Variants in L3MBTL4 observed in about 807,000 individuals in gnomAD.
L3MBTL4 encodes lethal(3)malignant brain tumor-like protein 4.
L3MBTL4 carries 70 observed loss-of-function variants against 84.5 expected under a neutral mutation model. The ratio of observed to expected loss-of-function variants is 0.83; its 90% CI spans 0.68 to 1.01. L3MBTL4 has a LOEUF of 1.01. Ranked by LOEUF, L3MBTL4 falls within the 50% of genes least tolerant of loss-of-function variation. The pLI is 0.00. For synonymous variants in L3MBTL4, 274 were observed against 259.8 expected (o/e 1.05, Z -0.52); for missense variants, 715 against 754.8 (o/e 0.95, Z 0.62).
intron 4 of L3MBTL4, among the ~76,000 whole-genome samples, chr18:6,264,857 A>G (rs2048560677): frequency 1.3e-5 from 2 of 152,276 alleles, no homozygotes; most frequent in South Asian, 2.1e-4. Context: ...CAATCGCAGT[A>G]GACACGCCCA....
intron 14 of L3MBTL4, among the ~76,000 whole-genome samples, chr18:6,094,508 T>C (rs1196747608): frequency 6.6e-6 from 1 of 152,170 alleles, no homozygotes; most frequent in East Asian, 1.9e-4. Context: ...ATTGCCATCA[T>C]AGTGTTATCA....
At chr18:6,046,718 T>C (rs7234770) in intron 16 of L3MBTL4, 358,325 of 769,344 alleles carry the variant, frequency 0.47, 87,763 homozygotes, top group African/African-American at 0.66. Flanking sequence ...AAAACAGAGA[T>C]ACAACTTACC....
At chr18:6,412,952 C>A (rs765082154) in intron 1 of L3MBTL4, among the ~76,000 whole-genome samples, 17 of 151,964 alleles carry the variant, frequency 1.1e-4, no homozygotes, top group Non-Finnish European at 1.9e-4. Context: ...ATTAGCCAGG[C>A]ATGGTGGTGC....
chr18:6,064,864 T>C (rs1460467484), intron 16 of L3MBTL4, among the ~76,000 whole-genome samples: 4 of 152,112 alleles, frequency 2.6e-5, no homozygotes, highest in South Asian at 2.1e-4. Context: ...TTGATTGCTC[T>C]GGTTAGGACT....
chr18:6,016,028 C>T (rs545706238), intron 16 of L3MBTL4, among the ~76,000 whole-genome samples: 10 of 152,266 alleles, frequency 6.6e-5, no homozygotes, highest in South Asian at 6.2e-4. Context: ...GTGACCACTG[C>T]GGAAGATGAA....
intron 1 of L3MBTL4, among the ~76,000 whole-genome samples, chr18:6,358,046 T>C (rs2053523456): frequency 6.6e-6 from 1 of 152,224 alleles, no homozygotes; most frequent in Non-Finnish European, 1.5e-5. Flanking sequence ...ATCCGCAGCC[T>C]GGCCTACCCT....
At chr18:6,215,697 A>G in intron 11 of L3MBTL4, 53 bp downstream of exon 11, 1 of 959,096 alleles carries the variant, frequency 1.0e-6, no homozygotes. Flanking sequence ...TGTAGGCATG[A>G]CTCAATACAA....
chr18:6,173,075 T>C (rs1483914184), intron 12 of L3MBTL4, among the ~76,000 whole-genome samples: 3 of 152,160 alleles, frequency 2.0e-5, no homozygotes, highest in Non-Finnish European at 4.4e-5. Flanking sequence ...ACTCTAAAGG[T>C]AGAGCCTAAC....
At position 6,196,349 on chromosome 18, in the gene L3MBTL4, C is replaced by G. The variant is rs561851385; in HGVS notation, c.981+16800G>C. 3.4e-4 allele frequency among the ~76,000 whole-genome samples: 51 copies of G among 152,026 alleles called. 1 individual carries two copies. In the South Asian group the frequency reaches 4.6e-3, roughly 14 times the overall value. On this transcript the variant is annotated intron_variant, in intron 12 of 18. Transcript: ENST00000317931. ...ATTTTTTGTATTTTTAGTAAAGACG[C>G]GGTTTCACCGTGTTGGCCAGGATGG...
At chr18:5,983,559 A>T (rs1289876044) in intron 16 of L3MBTL4, among the ~76,000 whole-genome samples, 1 of 152,174 alleles carries the variant, frequency 6.6e-6, no homozygotes, top group Non-Finnish European at 1.5e-5. Flanking sequence ...GCGTTTGAAG[A>T]AGACTGACTC....
intron 16 of L3MBTL4, among the ~76,000 whole-genome samples, chr18:5,976,413 C>A (rs554679725): frequency 6.6e-6 from 1 of 152,270 alleles, no homozygotes; most frequent in East Asian, 1.9e-4. Flanking sequence ...TGGTGTGTGT[C>A]CAGAAGAGTG....
rs1296580945 is a variant in L3MBTL4 at position 5,955,120 on chromosome 18, G to A, written c.*1100C>T. On this transcript the variant is annotated 3_prime_UTR_variant, in exon 19 of 19. Coordinates refer to ENST00000317931, the MANE Select transcript of L3MBTL4 (RefSeq NM_001330559.2). The stretch of plus-strand genomic sequence containing the variant: ...ACTACCTGTAAAAGTAGTAAGAAGT[G>A]TCAGAAAAGAGGTACTTGTCTTTCA... The A allele has an allele frequency of 1.3e-5, 2 of 152,208 alleles. No individual in the cohort carries two copies. Among genetic ancestry groups the A allele is most frequent in the East Asian group, 3.9e-4 (2 of 5,190 alleles). The allele number at this position is 152,208 out of a possible 1,614,324, so 9.4% of individuals were successfully genotyped here.
Position 6,161,211 on chromosome 18 carries a change from G to A in L3MBTL4, c.1096+10617C>T, listed in dbSNP as rs185470167. Among the ~76,000 whole-genome samples the A allele has an allele frequency of 1.6e-3, 250 of 152,300 alleles. 1 individual carries two copies. Among genetic ancestry groups the A allele is most frequent in the Middle Eastern group, 0.01 (3 of 294 alleles). ...ATGTCAAATAAAGCAGACAAATCGC[G>A]TCCTCATGGATGAGAAAAGGAGAGC... On this transcript the variant is annotated intron_variant, in intron 13 of 18. Coordinates refer to ENST00000317931, the MANE Select transcript of L3MBTL4 (RefSeq NM_001330559.2).
At chr18:6,208,863 T>A (rs2045980825) in intron 12 of L3MBTL4, among the ~76,000 whole-genome samples, 1 of 152,190 alleles carries the variant, frequency 6.6e-6, no homozygotes, top group Non-Finnish European at 1.5e-5. Flanking sequence ...AACCCTGCCA[T>A]GGCATGAAAA....
chr18:6,145,327 C>T (rs1401358345), intron 13 of L3MBTL4, among the ~76,000 whole-genome samples: 2 of 152,076 alleles, frequency 1.3e-5, no homozygotes, highest in Non-Finnish European at 2.9e-5. Context: ...CTGAGAACAT[C>T]CTCCTCCTTC....
At chr18:6,269,765 T>C (rs1234823131) in intron 4 of L3MBTL4, among the ~76,000 whole-genome samples, 1 of 152,048 alleles carries the variant, frequency 6.6e-6, no homozygotes, top group African/African-American at 2.4e-5. Context: ...ATACAAATCA[T>C]AAGAAAAAAA....
chr18:6,107,873 G>T (rs2059062421), intron 14 of L3MBTL4, among the ~76,000 whole-genome samples: 1 of 152,098 alleles, frequency 6.6e-6, no homozygotes, highest in African/African-American at 2.4e-5. Context: ...ATTTAATATT[G>T]CCTGGAAATC....
intron 16 of L3MBTL4, among the ~76,000 whole-genome samples, chr18:6,003,574 G>A (rs1404691585): frequency 6.6e-6 from 1 of 151,884 alleles, no homozygotes; most frequent in South Asian, 2.1e-4. Context: ...GCATAAACAG[G>A]ACACTTTAAC....
At position 6,296,711 on chromosome 18, in the gene L3MBTL4, G is replaced by A. The variant is rs1285707799; in HGVS notation, c.127+5192C>T. On this transcript the variant is annotated intron_variant, in intron 4 of 18. Transcript: ENST00000317931. ...CTCCAGTAACATTCTAGGGAAGGGG[G>A]GTTATGAGGCACTCCAGTAACAGAA... 3.3e-5 allele frequency among the ~76,000 whole-genome samples: 5 copies of A among 152,052 alleles called. No individual in the cohort carries two copies. The East Asian group carries it at 9.7e-4, about 29-fold the overall frequency.
Sources: gnomAD v4.1 joint callset for allele counts (sites outside exome capture counted in the v4.1 genomes callset) on GRCh38, gnomAD v4.1.1 for gene constraint, MANE v1.5 for transcripts, NCBI Gene and HGNC (gene_info 2026-07-23, HGNC 2026-07-21) for gene names.